PHF11: variants seen among roughly 807,000 people sequenced by gnomAD.
PHF11 encodes PHD finger protein 11, also known as BRCA1 C-terminus-associated protein.
Under a neutral mutation model 40.5 loss-of-function variants are expected in PHF11, and 38 were observed. That is an observed-to-expected ratio of 0.94 (90% CI 0.72 to 1.23). PHF11 has a LOEUF of 1.23. Among genes scored for constraint, PHF11 ranks in the 50% most tolerant of loss-of-function variants. The probability of loss-of-function intolerance (pLI) is 0.00; values close to 1 mark genes in which losing one functional copy is unlikely to be tolerated. For synonymous variants in PHF11, 127 were observed against 138.2 expected, an observed-to-expected ratio of 0.92 and a Z score of 0.57; for missense variants, 369 against 392.4, an observed-to-expected ratio of 0.94 and a Z score of 0.50.
intron 6 of PHF11, among the ~76,000 whole-genome samples, chr13:49,522,322 A>T (rs774434070): frequency 6.6e-6 from 1 of 152,236 alleles, no homozygotes; most frequent in Non-Finnish European, 1.5e-5. Flanking sequence ...TTCCTAGATG[A>T]TAGAATCATG....
At position 49,512,293 on chromosome 13, in the gene PHF11, T is replaced by G. The variant is rs555798301; in HGVS notation, c.217-766T>G. On this transcript the variant is annotated intron_variant, in intron 2 of 9. Coordinates refer to ENST00000378319, the MANE Select transcript of PHF11 (RefSeq NM_001040443.3). Reference sequence around the variant, plus strand: ...GGATACAAGTCTTTTGTCAGAGATATGTATTGTGAATATTTTCTCCCAGTC... The same window carrying G: ...GGATACAAGTCTTTTGTCAGAGATAGGTATTGTGAATATTTTCTCCCAGTC... Among the ~76,000 whole-genome samples, 4 of 152,370 alleles carry G rather than the reference T, an allele frequency of 2.6e-5. No individual in the cohort carries two copies. In the South Asian group the frequency reaches 8.3e-4, roughly 32 times the overall value.
chr13:49,501,016 G>GTTTTTT (rs1566185405), intron 1 of PHF11, among the ~76,000 whole-genome samples: 1 of 77,530 alleles, frequency 1.3e-5, no homozygotes, highest in Non-Finnish European at 2.3e-5. Context: ...TTTTTTTTTT[G>GTTTTTT]GTTTTTTTTT....
chr13:49,525,223 T>C (rs1169917908), intron 8 of PHF11, among the ~76,000 whole-genome samples: 1 of 152,206 alleles, frequency 6.6e-6, no homozygotes, highest in East Asian at 1.9e-4. Flanking sequence ...TCCATTTGTA[T>C]GTGCAGGTAT....
At chr13:49,521,346 A>G (rs1831984174) in intron 5 of PHF11, 1 of 989,942 alleles carries the variant, frequency 1.0e-6, no homozygotes, top group Admixed American at 6.1e-5. Flanking sequence ...ATTAAGGCAG[A>G]CTGGATCCTG....
intron 2 of PHF11, among the ~76,000 whole-genome samples, chr13:49,509,362 G>C (rs1254805484): frequency 6.6e-6 from 1 of 152,032 alleles, no homozygotes; most frequent in African/African-American, 2.4e-5. Flanking sequence ...ACAGGCACAT[G>C]CCACCACGCC....
At chr13:49,514,668 G>A (rs1392466231) in intron 3 of PHF11, among the ~76,000 whole-genome samples, 1 of 151,888 alleles carries the variant, frequency 6.6e-6, no homozygotes, top group Non-Finnish European at 1.5e-5. Context: ...TGAGGTAGGA[G>A]GATTGGGTGA....
intron 1 of PHF11, chr13:49,496,414 C>T: frequency 1.8e-6 from 2 of 1,096,764 alleles, no homozygotes; most frequent in East Asian, 5.3e-5. Flanking sequence ...CCACCACAAC[C>T]GATGTCAACT....
In PHF11 at chr13:49,496,144, CG is replaced by C. The variant is rs1958801973; in HGVS notation, c.94+52del. The C allele has an allele frequency of 9.3e-6, 10 of 1,071,990 alleles. No individual in the cohort carries two copies. In the East Asian group the frequency reaches 1.0e-4, roughly 11 times the overall value. 66.4% of individuals were successfully genotyped at this position (1,071,990 alleles called of 1,614,324 possible). On this transcript the variant is annotated intron_variant, in intron 1 of 9. Transcript: ENST00000378319. ...GCGGGCGGGCGGGGCTGGGCAGCGACGGGCCCGGTCAAGGGGCCTGCCTTCC... is the reference window on the plus strand; with the variant it reads ...GCGGGCGGGCGGGGCTGGGCAGCGACGGCCCGGTCAAGGGGCCTGCCTTCC...
In PHF11 at chr13:49,528,587, A is replaced by T. The variant is rs1373082107; in HGVS notation, c.918A>T (p.Leu306Phe). ...LKEEIELLQD[L>F]KQTLCSFQEN... ...AAGAGATTGAGCTACTTCAGGACTTAAAACAAACCTTGTGCTCTTTTCAAG... is the reference window on the plus strand; with the variant it reads ...AAGAGATTGAGCTACTTCAGGACTTTAAACAAACCTTGTGCTCTTTTCAAG... Residue 306 changes from leucine (L) to phenylalanine (F), a missense_variant, in exon 10 of 10, where the codon TTA becomes TTT. Leu to Phe is a conservative substitution (Grantham distance 22, BLOSUM62 0). Transcript: ENST00000378319. The T allele has an allele frequency of 6.2e-7, 1 of 1,611,856 alleles. No homozygotes were observed.
chr13:49,501,938 G>A (rs150074466), intron 1 of PHF11, among the ~76,000 whole-genome samples: 3,510 of 152,076 alleles, frequency 0.023, 86 homozygotes, highest in South Asian at 0.13. Flanking sequence ...TGATCCACCC[G>A]CCTCGGCCTC....
intron 9 of PHF11, chr13:49,527,425 AGATTTCCCTGTGAAGAAAT>A (rs1038178846): frequency 6.6e-6 from 1 of 152,238 alleles, no homozygotes; most frequent in African/African-American, 2.4e-5. Context: ...GAAGACAATA[AGATTTCCCTGTGAAGAAAT>A]CATTAGTTCA....
At chr13:49,520,185 T>C (rs6561531) in intron 4 of PHF11, among the ~76,000 whole-genome samples, 1 of 151,922 alleles carries the variant, frequency 6.6e-6, no homozygotes, top group Non-Finnish European at 1.5e-5. Context: ...AGTAGCTGGG[T>C]CTACAGGCAC....
chr13:49,522,758 G>GT (rs1200697917), intron 6 of PHF11, among the ~76,000 whole-genome samples: 365 of 35,792 alleles, frequency 0.01, 18 homozygotes, highest in African/African-American at 0.018. Flanking sequence ...ATGAATATGG[G>GT]GTTTTTTTGT....
rs534041710 is a variant in PHF11, at chr13:49,519,078, G to A, written c.458+927G>A. Among the ~76,000 whole-genome samples, 348 of 152,042 alleles carry A rather than the reference G, an allele frequency of 2.3e-3. 5 individuals are homozygous for A. The highest frequency in any genetic ancestry group is 0.021 in the Admixed American group (315 of 15,272). ...TCTCAATCTCCTGACCTCGTGATCCGCCCGCCTCGGCCTCCCAAAGTGCTG... is the reference window on the plus strand; with the variant it reads ...TCTCAATCTCCTGACCTCGTGATCCACCCGCCTCGGCCTCCCAAAGTGCTG... On this transcript the variant is annotated intron_variant, in intron 4 of 9. Transcript: ENST00000378319.
chr13:49,514,804 C>T (rs1183656359), intron 3 of PHF11, among the ~76,000 whole-genome samples: 1 of 150,758 alleles, frequency 6.6e-6, no homozygotes, highest in East Asian at 1.9e-4. Context: ...CTCTCAATGT[C>T]TATGCTATTA....
Position 49,513,091 on chromosome 13 carries a change from T to C in PHF11, c.249T>C (p.Asp83=), listed in dbSNP as rs369413077. The change falls in exon 3 of 10, where the codon GAT becomes GAC. Residue 83 remains aspartate, a synonymous_variant. Transcript: ENST00000378319. ...CTTCAGGACTTGTGGAATGTGAGGA[T>C]CAGGATCCACTTAATCCTGATAGAA... ...LYSSGLVECE[D]QDPLNPDRSF... is the part of the protein sequence containing the mutation. The C allele has an allele frequency of 8.8e-6, 14 of 1,598,674 alleles. No homozygotes were observed. Among genetic ancestry groups the C allele is most frequent in the South Asian group, 7.7e-5 (7 of 90,682 alleles).
At chr13:49,505,630 C>A (rs770419600) in intron 1 of PHF11, among the ~76,000 whole-genome samples, 25 of 152,194 alleles carry the variant, frequency 1.6e-4, no homozygotes, top group Non-Finnish European at 3.1e-4. Context: ...TAAACGAATT[C>A]TTGTGGCCAA....
chr13:49,497,680 A>C (rs1179804842), intron 1 of PHF11, among the ~76,000 whole-genome samples: 3 of 152,106 alleles, frequency 2.0e-5, no homozygotes, highest in African/African-American at 7.2e-5. Flanking sequence ...TGATTCTCCT[A>C]CTCAAAACCC....
intron 3 of PHF11, 93 bp downstream of exon 3, chr13:49,513,259 A>T: frequency 1.6e-6 from 1 of 628,118 alleles, no homozygotes; most frequent in Non-Finnish European, 2.8e-6. Context: ...CACCAGGGAT[A>T]GAGAAGCATC....
Sources: gnomAD v4.1 joint callset for allele counts (sites outside exome capture counted in the v4.1 genomes callset) on GRCh38, gnomAD v4.1.1 for gene constraint, MANE v1.5 for transcripts, NCBI Gene and HGNC (gene_info 2026-07-23, HGNC 2026-07-21) for gene names.